The following PIK3C2G variants were observed in gnomAD, a reference collection of about 807,000 sequenced individuals.
PIK3C2G encodes the protein phosphatidylinositol-4-phosphate 3-kinase catalytic subunit type 2 gamma.
In PIK3C2G, 168 loss-of-function variants were observed where a neutral mutation model predicts 181.1. That is an observed-to-expected ratio of 0.93 (90% CI 0.82 to 1.05). The LOEUF (loss-of-function observed/expected upper bound fraction) is 1.05, where lower values mean the gene tolerates loss of function less well. Ranked by LOEUF, PIK3C2G falls within the 50% of genes least tolerant of loss-of-function variation. The pLI is 0.00. For synonymous variants in PIK3C2G, 573 were observed against 592.2 expected, an observed-to-expected ratio of 0.97 and a Z score of 0.47; for missense variants, 1,869 against 1,732.8, an observed-to-expected ratio of 1.08 and a Z score of -1.40.
At position 18,533,271 on chromosome 12, in the gene PIK3C2G, A is replaced by G. The variant is rs1305824895; in HGVS notation, c.3324-4885A>G. On this transcript the variant is annotated intron_variant, in intron 24 of 32. Coordinates refer to ENST00000538779, the MANE Select transcript of PIK3C2G (RefSeq NM_001288772.2). ...TTTTAATCTGCATTTGTATGTCTCA[A>G]AGCCACCTCAAATATAACTTAAGCT... Among the ~76,000 whole-genome samples the G allele has an allele frequency of 2.0e-5, 3 of 152,262 alleles. No homozygotes were observed. In the East Asian group the frequency reaches 5.8e-4, roughly 29 times the overall value.
chr12:18,428,644 G>T (rs1341693601), intron 18 of PIK3C2G, among the ~76,000 whole-genome samples: 1 of 152,186 alleles, frequency 6.6e-6, no homozygotes, highest in Non-Finnish European at 1.5e-5. Flanking sequence ...AAACCATCTT[G>T]ACTACTTGGC....
intron 24 of PIK3C2G, among the ~76,000 whole-genome samples, chr12:18,535,498 G>A (rs1943801471): frequency 6.6e-6 from 1 of 151,990 alleles, no homozygotes; most frequent in South Asian, 2.1e-4. Flanking sequence ...ATGGACAAAA[G>A]AAATGTGTTA....
intron 32 of PIK3C2G, among the ~76,000 whole-genome samples, chr12:18,645,082 T>A (rs1950045720): frequency 1.3e-5 from 2 of 152,154 alleles, no homozygotes; most frequent in Admixed American, 6.6e-5. Context: ...AGTAAAGACT[T>A]AACTCATGCC....
chr12:18,615,771 C>A lies in PIK3C2G; in HGVS notation c.4182+6142C>A, dbSNP rs533490755. 1.4e-4 allele frequency among the ~76,000 whole-genome samples: 21 copies of A among 152,076 alleles called. No homozygotes were observed. The East Asian group carries it at 3.9e-3, about 28-fold the overall frequency. On this transcript the variant is annotated intron_variant, in intron 31 of 32. Transcript: ENST00000538779. ...ATCTATGGGTTACTTTGATTGGCTG[C>A]TATAATATTCCTTTCCTTGTTTTCT...
chr12:18,249,963 A>AAAATAAT (rs1263684558), intron 1 of PIK3C2G, among the ~76,000 whole-genome samples: 1 of 152,100 alleles, frequency 6.6e-6, no homozygotes, highest in African/African-American at 2.4e-5. Flanking sequence ...TATCACAGTG[A>AAAATAAT]AAATAATATT....
intron 30 of PIK3C2G, among the ~76,000 whole-genome samples, chr12:18,601,204 C>T (rs1366707740): frequency 6.6e-6 from 1 of 151,498 alleles, no homozygotes; most frequent in East Asian, 1.9e-4. Context: ...ATAAAAATCA[C>T]ATGGTCACCT....
At chr12:18,578,560 T>C (rs1413952815) in intron 29 of PIK3C2G, among the ~76,000 whole-genome samples, 1 of 152,192 alleles carries the variant, frequency 6.6e-6, no homozygotes, top group African/African-American at 2.4e-5. Context: ...AGTCAGTTTG[T>C]TTATATTCAA....
intron 1 of PIK3C2G, among the ~76,000 whole-genome samples, chr12:18,261,992 T>C (rs10841002): frequency 0.78 from 119,053 of 152,036 alleles, 47,200 homozygotes; most frequent in East Asian, 0.93. Flanking sequence ...TGCCACTAGC[T>C]TGTAGACGGC....
chr12:18,516,566 C>A (rs185595868), intron 24 of PIK3C2G, among the ~76,000 whole-genome samples: 4 of 152,144 alleles, frequency 2.6e-5, no homozygotes, highest in African/African-American at 9.6e-5. Context: ...GCTTCCTAGA[C>A]CTTTTTCTCT....
At chr12:18,671,471 A>G in the PIK3C2G span, among the ~76,000 whole-genome samples, 192 of 152,230 alleles carry the variant, frequency 1.3e-3, no homozygotes, top group Non-Finnish European at 2.2e-3. Context: ...CTGAACCTAA[A>G]GAAGATCACA....
chr12:18,324,336 AG>A (rs1464048482), intron 7 of PIK3C2G, among the ~76,000 whole-genome samples: 3 of 152,204 alleles, frequency 2.0e-5, no homozygotes, highest in Non-Finnish European at 2.9e-5. Context: ...CTCCAACTAA[AG>A]TGATAATGTA....
intron 5 of PIK3C2G, among the ~76,000 whole-genome samples, chr12:18,307,334 TA>T: frequency 6.6e-6 from 1 of 151,732 alleles, no homozygotes; most frequent in Non-Finnish European, 1.5e-5. Flanking sequence ...AGAGAATAAA[TA>T]ATTAATATAC....
intron 24 of PIK3C2G, among the ~76,000 whole-genome samples, chr12:18,508,508 C>T (rs1203032588): frequency 6.6e-6 from 1 of 152,074 alleles, no homozygotes; most frequent in African/African-American, 2.4e-5. Context: ...TAAGTAGGAC[C>T]TTTGTATTCC....
intron 8 of PIK3C2G, among the ~76,000 whole-genome samples, chr12:18,329,763 A>C (rs1449152574): frequency 2.0e-5 from 3 of 151,992 alleles, no homozygotes; most frequent in Non-Finnish European, 2.9e-5. Context: ...CACTTTTCTA[A>C]TGATGTTTTA....
intron 24 of PIK3C2G, among the ~76,000 whole-genome samples, chr12:18,506,238 C>A (rs981438757): frequency 7.2e-5 from 11 of 151,976 alleles, no homozygotes; most frequent in Admixed American, 2.6e-4. Context: ...ACAAGAAGAC[C>A]TGGAGTCTGG....
At chr12:18,708,198 A>G in the PIK3C2G span, among the ~76,000 whole-genome samples, 1 of 152,094 alleles carries the variant, frequency 6.6e-6, no homozygotes, top group Non-Finnish European at 1.5e-5. Context: ...GTTCCTGTCA[A>G]CCACTGTTTG....
intron 29 of PIK3C2G, among the ~76,000 whole-genome samples, chr12:18,588,795 A>G (rs2136461446): frequency 6.6e-6 from 1 of 152,286 alleles, no homozygotes; most frequent in South Asian, 2.1e-4. Context: ...ATACACGTGT[A>G]GGCTTATTGC....
chr12:18,546,950 A>C (rs1040606249), intron 26 of PIK3C2G, among the ~76,000 whole-genome samples: 5 of 151,976 alleles, frequency 3.3e-5, no homozygotes, highest in Non-Finnish European at 5.9e-5. Flanking sequence ...CAGACCCCAA[A>C]TCTGGTCAAA....
At chr12:18,478,011 T>TA (rs1939174431) in intron 18 of PIK3C2G, among the ~76,000 whole-genome samples, 1 of 152,186 alleles carries the variant, frequency 6.6e-6, no homozygotes, top group African/African-American at 2.4e-5. Context: ...GAAACATTCA[T>TA]ATAGCAAAGG....
Sources: allele counts gnomAD v4.1 joint callset (sites outside exome capture counted in the v4.1 genomes callset), GRCh38; gene constraint gnomAD v4.1.1; transcripts MANE v1.5; gene names NCBI Gene and HGNC (gene_info 2026-07-23, HGNC 2026-07-21).